Variants in RO60 observed in about 807,000 individuals in gnomAD.
The protein encoded by RO60 is Ro60, Y RNA binding protein.
Under a neutral mutation model 55.3 loss-of-function variants are expected in RO60, and 20 were observed. The ratio of observed to expected loss-of-function variants is 0.36; its 90% CI spans 0.25 to 0.53. The LOEUF (loss-of-function observed/expected upper bound fraction) is 0.53, where lower values mean the gene tolerates loss of function less well. RO60 is among the 20% of genes least tolerant of loss of function. The pLI is 0.92. For synonymous variants in RO60, 213 were observed against 213.6 expected (o/e 1.00, Z 0.02); for missense variants, 558 against 646.6 (o/e 0.86, Z 1.49).
chr1:193,072,947 C>T (rs2103043972), intron 2 of RO60, among the ~76,000 whole-genome samples: 1 of 152,308 alleles, frequency 6.6e-6, no homozygotes, highest in Non-Finnish European at 1.5e-5. Flanking sequence ...TCACATTGGA[C>T]AGAGAATCCC....
chr1:193,071,099 A>T (rs1168481353), intron 2 of RO60, among the ~76,000 whole-genome samples: 1 of 152,150 alleles, frequency 6.6e-6, no homozygotes, highest in African/African-American at 2.4e-5. Flanking sequence ...TCAGATTCTC[A>T]TAAGGAGAGC....
chr1:193,076,425 AT>A lies in RO60; in HGVS notation c.802-69del, dbSNP rs563406362. Reference sequence around the variant, plus strand: ...AAGCCTCAGAGACTGTATTATGAATATTTTTTTATATAGGTATGTTATACTG... The same window carrying A: ...AAGCCTCAGAGACTGTATTATGAATATTTTTTATATAGGTATGTTATACTG... On this transcript the variant is annotated intron_variant, in intron 3 of 8. Transcript: ENST00000400968. The A allele has an allele frequency of 3.9e-5, 57 of 1,468,948 alleles. No homozygotes were observed. The East Asian group carries it at 9.6e-4, about 25-fold the overall frequency. The allele number at this position is 1,468,948 out of a possible 1,614,324, so 91.0% of individuals were successfully genotyped here. A position where few individuals can be genotyped will look rare whatever the true frequency, so the allele number is the denominator to read the frequency against.
downstream of RO60, chr1:193,091,353 A>G: frequency 3.8e-6 from 1 of 260,932 alleles, no homozygotes; most frequent in Non-Finnish European, 7.2e-6. Flanking sequence ...ATTTTATAAA[A>G]CTGAAATAAA....
At chr1:193,071,873 T>A (rs12080239) in intron 2 of RO60, among the ~76,000 whole-genome samples, 7,167 of 149,130 alleles carry the variant, frequency 0.048, 477 homozygotes, top group African/African-American at 0.15. Flanking sequence ...TATGTATATA[T>A]AATATATATG....
At chr1:193,068,613 G>A (rs867072914) in intron 1 of RO60, among the ~76,000 whole-genome samples, 4 of 152,102 alleles carry the variant, frequency 2.6e-5, no homozygotes, top group South Asian at 4.2e-4. Flanking sequence ...GCCTCAAGAT[G>A]CCATACTGAT....
chr1:193,082,051 T>G, intron 6 of RO60, 135 bp from the exon 7 acceptor site: 4 of 675,634 alleles, frequency 5.9e-6, no homozygotes. Flanking sequence ...ACTGTTAATG[T>G]ATAGTTCTAA....
downstream of RO60, chr1:193,091,542 A>G: frequency 1.1e-6 from 1 of 875,408 alleles, no homozygotes; most frequent in South Asian, 1.5e-5. Flanking sequence ...CTAACAATGT[A>G]ATTTTGCTGT....
chr1:193,059,975 C>G lies in RO60; in HGVS notation c.-22+199C>G. The G allele has an allele frequency of 7.3e-7, 1 of 1,366,376 alleles. No individual in the cohort carries two copies. Among genetic ancestry groups the G allele is most frequent in the Non-Finnish European group, 9.8e-7 (1 of 1,021,768 alleles). 84.6% of individuals were successfully genotyped at this position (1,366,376 alleles called of 1,614,324 possible). On this transcript the variant is annotated intron_variant, in intron 1 of 8. Coordinates refer to ENST00000400968, the MANE Select transcript of RO60 (RefSeq NM_001173524.2). This position sits in a 1 kb window ranked among gnomAD's most constrained non-coding sequence, Gnocchi z 4.9. ...GGAACCAGCATCGCGGTAGGGACAT[C>G]CTCGCTAGGCCCGGCCGGACCATTC...
rs372114564 is a variant in RO60, at chr1:193,090,399, A to G, written c.*5668A>G. 21 of 151,928 alleles carry G rather than the reference A, an allele frequency of 1.4e-4. No individual in the cohort carries two copies. The East Asian group carries it at 3.7e-3, about 27-fold the overall frequency. The allele number at this position is 151,928 out of a possible 1,614,324, so 9.4% of individuals were successfully genotyped here. A position where few individuals can be genotyped will look rare whatever the true frequency, so the allele number is the denominator to read the frequency against. On this transcript the variant is annotated 3_prime_UTR_variant, in exon 9 of 9. Coordinates refer to ENST00000400968, the MANE Select transcript of RO60 (RefSeq NM_001173524.2). Reference sequence around the variant, plus strand: ...GATTTAAAATATACAATTAATGAATAGTACTCAAAGTGTTTTTGTTGCACT... The same window carrying G: ...GATTTAAAATATACAATTAATGAATGGTACTCAAAGTGTTTTTGTTGCACT...
Position 193,082,264 on chromosome 1 carries a change from A to G in RO60, c.1282A>G (p.Met428Val). ...GGTACCATGTCCAGTGACTACAGATATGACCTTACAACAGGTTTTAATGGC... is the reference window on the plus strand; with the variant it reads ...GGTACCATGTCCAGTGACTACAGATGTGACCTTACAACAGGTTTTAATGGC... ...EMVPCPVTTDMTLQQVLMAMS... is the reference protein window; with the variant it reads ...EMVPCPVTTDVTLQQVLMAMS... The change falls in exon 7 of 9, where the codon ATG becomes GTG. Residue 428 changes from methionine (M) to valine (V), a missense_variant. By Grantham distance (21) the Met-to-Val change is conservative. Coordinates refer to ENST00000400968, the MANE Select transcript of RO60 (RefSeq NM_001173524.2). 6.2e-7 allele frequency: 1 copy of G among 1,613,286 alleles called. No individual in the cohort carries two copies. The highest frequency in any genetic ancestry group is 8.5e-7 in the Non-Finnish European group (1 of 1,179,586).
rs1022338130 is a variant in RO60 at position 193,087,110 on chromosome 1, C to T, written c.*2379C>T. 6.6e-6 allele frequency: 1 copy of T among 151,938 alleles called. No homozygotes were observed. Among genetic ancestry groups the T allele is most frequent in the Admixed American group, 6.6e-5 (1 of 15,262 alleles). 9.4% of individuals were successfully genotyped at this position (151,938 alleles called of 1,614,324 possible). A position where few individuals can be genotyped will look rare whatever the true frequency, so the allele number is the denominator to read the frequency against. On this transcript the variant is annotated 3_prime_UTR_variant, in exon 9 of 9. Coordinates refer to ENST00000400968, the MANE Select transcript of RO60 (RefSeq NM_001173524.2). ...GAGTTATTAGGAAATAATGTATATA[C>T]GATTGCTTTAGGAGTAGAAAAATAG... is the stretch of plus-strand genomic sequence containing the variant.
In RO60 at chr1:193,088,663, T is replaced by G. The variant is rs1674726483; in HGVS notation, c.*3932T>G. 6.6e-6 allele frequency: 1 copy of G among 152,192 alleles called. No individual in the cohort carries two copies. Among genetic ancestry groups the G allele is most frequent in the African/African-American group, 2.4e-5 (1 of 41,446 alleles). The allele number at this position is 152,192 out of a possible 1,614,324, so 9.4% of individuals were successfully genotyped here. A position where few individuals can be genotyped will look rare whatever the true frequency, so the allele number is the denominator to read the frequency against. On this transcript the variant is annotated 3_prime_UTR_variant, in exon 9 of 9. Transcript: ENST00000400968. ...AATGAAAAATTCTAGTCTTATATAC[T>G]GCAGGTTTGGGGTGATTGTTAAGGC...
chr1:193,085,210 AG>A lies in RO60; in HGVS notation c.*484del. 2 of 1,193,364 alleles carry A rather than the reference AG, an allele frequency of 1.7e-6. No individual in the cohort carries two copies. The highest frequency in any genetic ancestry group is 2.1e-6 in the Non-Finnish European group (2 of 961,084). 73.9% of individuals were successfully genotyped at this position (1,193,364 alleles called of 1,614,324 possible). ...AACTCATCTGTAAACTTTTATACCAAGGGGGTAAAAAAAAAAACTAAGGCAT... is the reference window on the plus strand; with the variant it reads ...AACTCATCTGTAAACTTTTATACCAAGGGGTAAAAAAAAAAACTAAGGCAT... On this transcript the variant is annotated 3_prime_UTR_variant, in exon 9 of 9. Coordinates refer to ENST00000400968, the MANE Select transcript of RO60 (RefSeq NM_001173524.2).
chr1:193,063,348 T>G (rs190190481), intron 1 of RO60, among the ~76,000 whole-genome samples: 58 of 152,326 alleles, frequency 3.8e-4, no homozygotes, highest in Non-Finnish European at 6.2e-4. Context: ...TTCAGATTCT[T>G]TACCCATTTG....
At position 193,085,937 on chromosome 1, in the gene RO60, G is replaced by C. The variant is rs1309705518; in HGVS notation, c.*1206G>C. The C allele has an allele frequency of 1.0e-6, 1 of 985,106 alleles. No homozygotes were observed. 61.0% of individuals were successfully genotyped at this position (985,106 alleles called of 1,614,324 possible). ...TAAAGTGCATTATTTTATTGAGCAAGTATCCTTCATTGTGAGGTTTAACAT... is the reference window on the plus strand; with the variant it reads ...TAAAGTGCATTATTTTATTGAGCAACTATCCTTCATTGTGAGGTTTAACAT... On this transcript the variant is annotated 3_prime_UTR_variant, in exon 9 of 9. Transcript: ENST00000400968.
chr1:193,072,190 G>C (rs565996139), intron 2 of RO60, among the ~76,000 whole-genome samples: 2 of 152,232 alleles, frequency 1.3e-5, no homozygotes, highest in African/African-American at 4.8e-5. Flanking sequence ...TTTTAGTAGA[G>C]GCAGGGTTTC....
intron 2 of RO60, among the ~76,000 whole-genome samples, chr1:193,073,322 C>A (rs1353527481): frequency 1.3e-5 from 2 of 152,158 alleles, no homozygotes; most frequent in Non-Finnish European, 2.9e-5. Context: ...ATTTAGCATT[C>A]AAAAATAACA....
intron 1 of RO60, 38 bp from the exon 2 acceptor site, chr1:193,068,996 G>A (rs1673299490): frequency 1.5e-6 from 2 of 1,330,326 alleles, no homozygotes; most frequent in African/African-American, 1.5e-5. Context: ...ATTTTATTGT[G>A]CCCATCTAGT....
Position 193,059,881 on chromosome 1 carries a change from G to A in RO60, c.-22+105G>A. 7.3e-7 allele frequency: 1 copy of A among 1,365,242 alleles called. No individual in the cohort carries two copies. The allele number at this position is 1,365,242 out of a possible 1,614,324, so 84.6% of individuals were successfully genotyped here. The stretch of plus-strand genomic sequence containing the variant: ...CTCTCACCCGCATCCCAGGGGTTGA[G>A]GCTGGGCAAACGCCGCGAAACTATC... On this transcript the variant is annotated intron_variant, in intron 1 of 8. Transcript: ENST00000400968. The surrounding 1 kb of genome is among the most constrained non-coding windows in gnomAD (Gnocchi z 4.9).
Sources: gnomAD v4.1 joint callset for allele counts (sites outside exome capture counted in the v4.1 genomes callset) on GRCh38, gnomAD v4.1.1 for gene constraint, Gnocchi (gnomAD v3.1) non-coding constraint, MANE v1.5 for transcripts, NCBI Gene and HGNC (gene_info 2026-07-23, HGNC 2026-07-21) for gene names.